BLTP3B: variants seen among roughly 807,000 people sequenced by gnomAD.
BLTP3B encodes the protein UHRF1 (ICBP90) binding protein 1-like.
At chr12:100,116,448 C>CAAAAAAAAAAAAAAAA in the BLTP3B span, among the ~76,000 whole-genome samples, 17 of 55,874 alleles carry the variant, frequency 3.0e-4, no homozygotes, top group Non-Finnish European at 4.5e-4. Context: ...GATCCTGTCT[C>CAAAAAAAAAAAAAAAA]AAAAAAAAAA....
chr12:100,122,752 T>C, the BLTP3B span, among the ~76,000 whole-genome samples: 1 of 152,164 alleles, frequency 6.6e-6, no homozygotes, highest in Non-Finnish European at 1.5e-5. Context: ...GTCCCATCCC[T>C]GCTGAAAACT....
At chr12:100,104,890 A>C in the BLTP3B span, among the ~76,000 whole-genome samples, 1 of 106,976 alleles carries the variant, frequency 9.3e-6, no homozygotes, top group Admixed American at 8.7e-5. Flanking sequence ...ACTACAAAAA[A>C]AAAAAAAAAA....
At chr12:100,084,567 G>A in the BLTP3B span, 34 of 1,613,912 alleles carry the variant, frequency 2.1e-5, no homozygotes, top group Non-Finnish European at 2.6e-5. Flanking sequence ...GCATTTCAAC[G>A]TTGCACTCAA....
chr12:100,090,456 A>G, the BLTP3B span, among the ~76,000 whole-genome samples: 46 of 152,310 alleles, frequency 3.0e-4, no homozygotes, highest in African/African-American at 1.1e-3. Context: ...TATAATAATT[A>G]TAAGACCAAA....
chr12:100,098,307 T>TTGTC, the BLTP3B span: 3 of 1,522,368 alleles, frequency 2.0e-6, no homozygotes, highest in Non-Finnish European at 2.6e-6. Context: ...CCTCTTTTAC[T>TTGTC]TGTCACTAAA....
At chr12:100,057,469 G>T in the BLTP3B span, 1 of 801,470 alleles carries the variant, frequency 1.2e-6, no homozygotes, top group Non-Finnish European at 1.8e-6. Flanking sequence ...ACTTTAAAAA[G>T]CATGGGTACA....
At chr12:100,058,054 T>C in the BLTP3B span, 12 of 1,575,446 alleles carry the variant, frequency 7.6e-6, no homozygotes, top group Non-Finnish European at 1.0e-5. Context: ...GATTTAAGTG[T>C]TCTAACTGGG....
chr12:100,059,462 A>G, the BLTP3B span: 84 of 1,613,288 alleles, frequency 5.2e-5, no homozygotes, highest in Non-Finnish European at 7.0e-5. Flanking sequence ...CAATCATTTC[A>G]GAACTCTGAA....
the BLTP3B span, among the ~76,000 whole-genome samples, chr12:100,099,491 T>C: frequency 6.6e-6 from 1 of 150,996 alleles, no homozygotes; most frequent in African/African-American, 2.4e-5. Flanking sequence ...CCACACATGG[T>C]AGCTCATGCC....
chr12:100,140,825 C>T, the BLTP3B span, among the ~76,000 whole-genome samples: 1 of 147,166 alleles, frequency 6.8e-6, no homozygotes, highest in African/African-American at 2.5e-5. Flanking sequence ...ATGCAGTAAG[C>T]CATTACATCT....
At chr12:100,059,552 T>A in the BLTP3B span, 177 of 1,557,282 alleles carry the variant, frequency 1.1e-4, 2 homozygotes, top group South Asian at 2.1e-3. Flanking sequence ...GAAGAAAAAT[T>A]AATCTCATCC....
At chr12:100,112,279 G>C in the BLTP3B span, among the ~76,000 whole-genome samples, 1 of 152,166 alleles carries the variant, frequency 6.6e-6, no homozygotes, top group Non-Finnish European at 1.5e-5. Flanking sequence ...AAGAGTTTGA[G>C]ACCAGCCTGG....
the BLTP3B span, among the ~76,000 whole-genome samples, chr12:100,130,996 AGAGAGAGAGAGAGAGAGAGAGAGAGAG>A: frequency 9.4e-6 from 1 of 106,834 alleles, no homozygotes; most frequent in South Asian, 2.7e-4. Flanking sequence ...AGAGAGAGAG[AGAGAGAGAGAGAGAGAGAGAGAGAGAG>A]AGAGAGAGAG....
the BLTP3B span, among the ~76,000 whole-genome samples, chr12:100,090,719 T>C: frequency 1.3e-5 from 2 of 152,124 alleles, no homozygotes; most frequent in Non-Finnish European, 2.9e-5. Flanking sequence ...TTAAATACTA[T>C]AGACTCCAGA....
the BLTP3B span, chr12:100,058,484 G>A: frequency 6.2e-7 from 1 of 1,613,218 alleles, no homozygotes; most frequent in Non-Finnish European, 8.5e-7. Context: ...TCATAGATCT[G>A]TTGTCTGACA....
chr12:100,120,269 G>C, the BLTP3B span, among the ~76,000 whole-genome samples: 9 of 152,162 alleles, frequency 5.9e-5, no homozygotes, highest in South Asian at 1.2e-3. Context: ...CCAGCTACTC[G>C]GGAGGCTGAG....
chr12:100,085,718 G>A, the BLTP3B span, among the ~76,000 whole-genome samples: 3 of 151,956 alleles, frequency 2.0e-5, no homozygotes, highest in Non-Finnish European at 2.9e-5. Context: ...AGGCAAAAAC[G>A]GTATAAAGTC....
chr12:100,060,654 A>G, the BLTP3B span, among the ~76,000 whole-genome samples: 2 of 152,226 alleles, frequency 1.3e-5, no homozygotes, highest in Non-Finnish European at 2.9e-5. Context: ...CTCCTGAATA[A>G]TAAAATGAAT....
the BLTP3B span, among the ~76,000 whole-genome samples, chr12:100,056,891 G>C: frequency 2.0e-5 from 3 of 151,480 alleles, no homozygotes; most frequent in Admixed American, 6.6e-5. Context: ...CTATGTTTTT[G>C]TGTCTGCAGC....
Sources: allele counts gnomAD v4.1 joint callset (sites outside exome capture counted in the v4.1 genomes callset), GRCh38; gene constraint gnomAD v4.1.1; transcripts MANE v1.5; gene names NCBI Gene and HGNC (gene_info 2026-07-23, HGNC 2026-07-21).